MCC: variants seen among roughly 807,000 people sequenced by gnomAD.
The protein encoded by MCC is MCC regulator of Wnt signaling pathway.
A neutral mutation model predicts 116.2 loss-of-function variants in MCC; 90 were observed. The ratio of observed to expected loss-of-function variants is 0.77; its 90% CI spans 0.65 to 0.92. The LOEUF (loss-of-function observed/expected upper bound fraction) is 0.92, where lower values mean the gene tolerates loss of function less well. Ranked by LOEUF, MCC falls within the 40% of genes least tolerant of loss-of-function variation. MCC has a pLI of 0.00. For missense variants in MCC, 1,516 were observed against 1,312.2 expected, an observed-to-expected ratio of 1.16 and a Z score of -2.40; for synonymous variants, 578 against 510.5, an observed-to-expected ratio of 1.13 and a Z score of -1.78.
chr5:113,359,945 T>C (rs1259506181), intron 2 of MCC, among the ~76,000 whole-genome samples: 2 of 152,224 alleles, frequency 1.3e-5, no homozygotes, highest in Non-Finnish European at 2.9e-5. Context: ...TGGATCAATT[T>C]ATCTTTCTCT....
intron 2 of MCC, among the ~76,000 whole-genome samples, chr5:113,354,055 C>A (rs141557174): frequency 1.0e-3 from 156 of 152,310 alleles, no homozygotes; most frequent in African/African-American, 3.7e-3. Flanking sequence ...GACCCCTTCC[C>A]TCCCCACCAA....
At chr5:113,413,610 T>C (rs553714456) in intron 1 of MCC, among the ~76,000 whole-genome samples, 4 of 152,358 alleles carry the variant, frequency 2.6e-5, no homozygotes, top group Admixed American at 2.0e-4. Flanking sequence ...GTGGGATCGG[T>C]AGTGATATCC....
chr5:113,163,592 A>G lies in MCC; in HGVS notation c.628-12170T>C, dbSNP rs577123381. ...CCCCATAAAATTATGAGTTCCAAGA[A>G]GGCAGGGATGTCAAGAGGCTGGGGA... On this transcript the variant is annotated intron_variant, in intron 3 of 18. Transcript: ENST00000408903. Among the ~76,000 whole-genome samples the G allele has an allele frequency of 1.2e-4, 19 of 152,288 alleles. 1 individual carries two copies. Among genetic ancestry groups the G allele is most frequent in the African/African-American group, 4.6e-4 (19 of 41,558 alleles).
chr5:113,129,036 T>C (rs988962508), intron 5 of MCC, among the ~76,000 whole-genome samples: 6 of 152,196 alleles, frequency 3.9e-5, no homozygotes, highest in Non-Finnish European at 7.3e-5. Flanking sequence ...TTACAGTAGA[T>C]AGAGACTCTG....
intron 3 of MCC, among the ~76,000 whole-genome samples, chr5:113,248,995 C>A (rs1764684168): frequency 6.6e-6 from 1 of 152,114 alleles, no homozygotes; most frequent in Non-Finnish European, 1.5e-5. Flanking sequence ...AGGTGTGCAT[C>A]ACCATGCCTG....
intron 3 of MCC, 132 bp from the exon 4 acceptor site, chr5:113,151,554 G>A (rs900751254): frequency 1.6e-6 from 1 of 613,152 alleles, no homozygotes; most frequent in African/African-American, 1.9e-5. Context: ...ATGAAGGTAA[G>A]TGTTATGAGT....
At chr5:113,263,431 C>A (rs956630124) in intron 3 of MCC, among the ~76,000 whole-genome samples, 5 of 152,138 alleles carry the variant, frequency 3.3e-5, no homozygotes, top group African/African-American at 9.7e-5. Context: ...TCAATAGTGG[C>A]CCTGATTCAC....
chr5:113,069,146 T>C (rs1753843571), intron 12 of MCC, among the ~76,000 whole-genome samples: 1 of 152,224 alleles, frequency 6.6e-6, no homozygotes. Flanking sequence ...TGGCCAGTGG[T>C]TACCATATTG....
At chr5:113,465,151 T>G (rs996204080) in intron 1 of MCC, among the ~76,000 whole-genome samples, 1 of 151,020 alleles carries the variant, frequency 6.6e-6, no homozygotes, top group Non-Finnish European at 1.5e-5. Flanking sequence ...ACATAAAATA[T>G]TAAACCATGT....
At chr5:113,376,704 A>G (rs1246234854) in intron 2 of MCC, among the ~76,000 whole-genome samples, 4 of 151,760 alleles carry the variant, frequency 2.6e-5, no homozygotes, top group African/African-American at 9.7e-5. Flanking sequence ...GGCATCTGTT[A>G]TTTTTCCCTG....
intron 11 of MCC, among the ~76,000 whole-genome samples, chr5:113,075,790 C>T (rs947334680): frequency 3.9e-5 from 6 of 152,310 alleles, no homozygotes; most frequent in African/African-American, 1.2e-4. Flanking sequence ...TTGCTCTTCA[C>T]AATAAATCTT....
At position 113,101,879 on chromosome 5, in the gene MCC, G is replaced by T. The variant is rs200347701; in HGVS notation, c.1258C>A (p.Arg420=). The change falls in exon 8 of 19, where the codon CGG becomes AGG. Residue 420 remains arginine (R), a synonymous_variant. Coordinates refer to ENST00000408903, the MANE Select transcript of MCC (RefSeq NM_001085377.2). The part of the protein sequence containing the change: ...LYPNLAEERS[R]WEKELAGLRE... ...AGCCCAGCCAGCTCCTTCTCCCACC[G>T]AGACCTCTCTTCAGCCAGGTTGGGA... The T allele has an allele frequency of 6.2e-7, 1 of 1,613,792 alleles. No individual in the cohort carries two copies.
intron 3 of MCC, among the ~76,000 whole-genome samples, chr5:113,157,650 T>C (rs972942287): frequency 3.3e-5 from 5 of 152,190 alleles, no homozygotes; most frequent in African/African-American, 9.7e-5. Flanking sequence ...GAAGTGCTAG[T>C]TTAACACTCA....
chr5:113,206,444 G>T (rs1388413204), intron 3 of MCC, among the ~76,000 whole-genome samples: 1 of 152,224 alleles, frequency 6.6e-6, no homozygotes, highest in Non-Finnish European at 1.5e-5. Context: ...GCCGGGCCCA[G>T]TAGCTCACGC....
chr5:113,248,620 T>A (rs1017578176), intron 3 of MCC, among the ~76,000 whole-genome samples: 1 of 152,126 alleles, frequency 6.6e-6, no homozygotes, highest in Non-Finnish European at 1.5e-5. Context: ...GAAACCCCGG[T>A]TGACCCTCTA....
chr5:113,293,886 G>C (rs925018108), intron 3 of MCC, among the ~76,000 whole-genome samples: 7 of 152,112 alleles, frequency 4.6e-5, no homozygotes, highest in Non-Finnish European at 1.0e-4. Context: ...GGAGCCAAGT[G>C]GGAGATGAAA....
intron 17 of MCC, among the ~76,000 whole-genome samples, chr5:113,034,661 A>G (rs1044975635): frequency 3.9e-5 from 6 of 152,224 alleles, no homozygotes; most frequent in African/African-American, 1.4e-4. Flanking sequence ...CACTAAGAGA[A>G]TTGTCTGCAT....
At chr5:113,466,340 C>G (rs1217756055) in intron 1 of MCC, among the ~76,000 whole-genome samples, 3 of 122,802 alleles carry the variant, frequency 2.4e-5, no homozygotes, top group African/African-American at 9.1e-5. Flanking sequence ...CCCCTCCCCC[C>G]ACCCCACAAC....
At chr5:113,192,870 A>G (rs1762215124) in intron 3 of MCC, among the ~76,000 whole-genome samples, 1 of 152,180 alleles carries the variant, frequency 6.6e-6, no homozygotes, top group African/African-American at 2.4e-5. Flanking sequence ...AGGCCTTGGG[A>G]TTGTTTTCTA....
Sources: allele counts gnomAD v4.1 joint callset (sites outside exome capture counted in the v4.1 genomes callset), GRCh38; gene constraint gnomAD v4.1.1; transcripts MANE v1.5; gene names NCBI Gene and HGNC (gene_info 2026-07-23, HGNC 2026-07-21).